DRGX: variants seen among roughly 807,000 people sequenced by gnomAD.
DRGX encodes dorsal root ganglia homeobox.
Under a neutral mutation model 28.6 loss-of-function variants are expected in DRGX, and 21 were observed. That is an observed-to-expected ratio of 0.73 (90% CI 0.52 to 1.06). The LOEUF (loss-of-function observed/expected upper bound fraction) is 1.06, where lower values mean the gene tolerates loss of function less well. Ranked by LOEUF, DRGX falls within the 50% of genes least tolerant of loss-of-function variation. The pLI, the probability that DRGX is intolerant of heterozygous loss-of-function variation, is 0.00. For synonymous variants in DRGX, 136 were observed against 139.1 expected, an observed-to-expected ratio of 0.98 and a Z score of 0.16; for missense variants, 354 against 343.9, an observed-to-expected ratio of 1.03 and a Z score of -0.23.
At chr10:49,384,815 C>T (rs186545609) in intron 6 of DRGX, among the ~76,000 whole-genome samples, 182 of 152,344 alleles carry the variant, frequency 1.2e-3, no homozygotes, top group Middle Eastern at 3.4e-3. Flanking sequence ...CCTCAAGCCC[C>T]CTTCAGCCAC....
At chr10:49,376,991 T>C (rs1224740614) in intron 6 of DRGX, among the ~76,000 whole-genome samples, 1 of 152,196 alleles carries the variant, frequency 6.6e-6, no homozygotes, top group Non-Finnish European at 1.5e-5. Flanking sequence ...CACGTAGGGA[T>C]GAGTCTAATT....
At chr10:49,374,219 C>G (rs1164607225) in intron 6 of DRGX, among the ~76,000 whole-genome samples, 1 of 152,124 alleles carries the variant, frequency 6.6e-6, no homozygotes, top group Non-Finnish European at 1.5e-5. Context: ...CACAGAGTCC[C>G]ACACAGGTTG....
At chr10:49,379,743 C>T (rs187373420) in intron 6 of DRGX, among the ~76,000 whole-genome samples, 19 of 152,352 alleles carry the variant, frequency 1.2e-4, no homozygotes, top group South Asian at 2.1e-4. Context: ...TTCAGACACT[C>T]GGTGCAGGAC....
intron 6 of DRGX, among the ~76,000 whole-genome samples, chr10:49,385,396 T>G (rs1849821255): frequency 6.6e-6 from 1 of 152,088 alleles, no homozygotes; most frequent in African/African-American, 2.4e-5. Flanking sequence ...CTGGGCACCC[T>G]CACCCTATCT....
chr10:49,367,589 A>G (rs994332896), intron 6 of DRGX, among the ~76,000 whole-genome samples: 13 of 152,288 alleles, frequency 8.5e-5, no homozygotes, highest in Non-Finnish European at 7.4e-5. Flanking sequence ...GAGGGAACCA[A>G]TTTGGAAAGT....
intron 6 of DRGX, among the ~76,000 whole-genome samples, chr10:49,383,681 G>A (rs776977793): frequency 6.6e-6 from 1 of 152,208 alleles, no homozygotes; most frequent in South Asian, 2.1e-4. Context: ...CGGCCATGAG[G>A]GCGGAGCTCT....
At chr10:49,368,573 A>G (rs1001695277) in intron 6 of DRGX, among the ~76,000 whole-genome samples, 3 of 152,214 alleles carry the variant, frequency 2.0e-5, no homozygotes, top group Non-Finnish European at 4.4e-5. Flanking sequence ...GCTGGGAACA[A>G]TGCCTGCTAT....
At chr10:49,392,973 T>A (rs1036949762) in intron 2 of DRGX, among the ~76,000 whole-genome samples, 4 of 152,232 alleles carry the variant, frequency 2.6e-5, no homozygotes, top group African/African-American at 7.2e-5. Context: ...TCACCATTTG[T>A]AGGAGTACAA....
intron 6 of DRGX, among the ~76,000 whole-genome samples, chr10:49,385,157 G>GT (rs1849817595): frequency 6.6e-6 from 1 of 152,196 alleles, no homozygotes; most frequent in Non-Finnish European, 1.5e-5. Context: ...GGGTTGGGGA[G>GT]TGGGGGGCTT....
chr10:49,394,876 G>T (rs903157702), intron 2 of DRGX, among the ~76,000 whole-genome samples: 2 of 152,232 alleles, frequency 1.3e-5, no homozygotes, highest in Non-Finnish European at 2.9e-5. Flanking sequence ...TTCCAGGGAC[G>T]GCCAGGAGGC....
At position 49,364,185 on chromosome 10, in the gene DRGX, G is replaced by A. The variant is rs983208318; in HGVS notation, c.*1931C>T. 1.3e-5 allele frequency: 2 copies of A among 152,154 alleles called. No individual in the cohort carries two copies. Among genetic ancestry groups the A allele is most frequent in the Admixed American group, 6.5e-5 (1 of 15,274 alleles). The allele number at this position is 152,154 out of a possible 1,614,324, so 9.4% of individuals were successfully genotyped here. On this transcript the variant is annotated 3_prime_UTR_variant, in exon 7 of 7. Coordinates refer to ENST00000374139, the MANE Select transcript of DRGX (RefSeq NM_001276451.2). ...TACTCAATATCTCTGCAGAGGTTTG[G>A]TGCTCATTTTCTTTCCTTTCAGTAA...
Position 49,379,810 on chromosome 10 carries a change from G to A in DRGX, c.526+6668C>T, listed in dbSNP as rs574443808. ...GAGTGCCATTGCATGCCTGCACCAC[G>A]CGGGGCACTTGACCTACAGCAGCTC... On this transcript the variant is annotated intron_variant, in intron 6 of 6. Transcript: ENST00000374139. Among the ~76,000 whole-genome samples the A allele has an allele frequency of 1.8e-4, 27 of 152,328 alleles. No homozygotes were observed. The South Asian group carries it at 5.4e-3, about 30-fold the overall frequency.
rs201807477 is a variant in DRGX at position 49,366,267 on chromosome 10, C to A, written c.641G>T (p.Arg214Leu). 1.9e-6 allele frequency: 3 copies of A among 1,613,912 alleles called. No homozygotes were observed. Among genetic ancestry groups the A allele is most frequent in the Non-Finnish European group, 2.5e-6 (3 of 1,179,876 alleles). The change falls in exon 7 of 7, where the codon CGC becomes CTC. Residue 214 changes from arginine to leucine, a missense_variant. Coordinates refer to ENST00000374139, the MANE Select transcript of DRGX (RefSeq NM_001276451.2). ...ASVATLRMKA[R>L]EHSEAVLQSA... ...CTGCAGGACAGCTTCTGAGTGCTCGCGGGCCTTCATGCGCAGGGTGGCCAC... is the reference window on the plus strand; with the variant it reads ...CTGCAGGACAGCTTCTGAGTGCTCGAGGGCCTTCATGCGCAGGGTGGCCAC...
rs115489744 is a variant in DRGX, at chr10:49,376,370, C to T, written c.527-9989G>A. ...CTTGAGTCCTCTGCTCCCCAAATAC[C>T]TGTATCCTCAGTAACAAGCCAGGAG... On this transcript the variant is annotated intron_variant, in intron 6 of 6. Transcript: ENST00000374139. Among the ~76,000 whole-genome samples the T allele has an allele frequency of 5.9e-3, 895 of 152,280 alleles. 10 individuals carry two copies. Among genetic ancestry groups the T allele is most frequent in the African/African-American group, 0.02 (844 of 41,546 alleles).
chr10:49,379,309 G>A (rs1849749066), intron 6 of DRGX, among the ~76,000 whole-genome samples: 1 of 152,172 alleles, frequency 6.6e-6, no homozygotes, highest in Non-Finnish European at 1.5e-5. Flanking sequence ...AGTGTGGAGT[G>A]CAAGCAAGGC....
Position 49,370,988 on chromosome 10 carries a change from A to G in DRGX, c.527-4607T>C, listed in dbSNP as rs1161705691. Among the ~76,000 whole-genome samples, 3 of 152,198 alleles carry G rather than the reference A, an allele frequency of 2.0e-5. No individual in the cohort carries two copies. In the East Asian group the frequency reaches 5.8e-4, roughly 29 times the overall value. ...CCTGCCTTATGTCTCCCATCCACAGACACCTCTGTCATCACCCTAAAGAGA... is the reference window on the plus strand; with the variant it reads ...CCTGCCTTATGTCTCCCATCCACAGGCACCTCTGTCATCACCCTAAAGAGA... On this transcript the variant is annotated intron_variant, in intron 6 of 6. Transcript: ENST00000374139.
intron 6 of DRGX, among the ~76,000 whole-genome samples, chr10:49,385,720 AGCCTGCACCTAT>A (rs1849825228): frequency 6.6e-6 from 1 of 152,050 alleles, no homozygotes; most frequent in South Asian, 2.1e-4. Flanking sequence ...AAAAGCCTAC[AGCCTGCACCTAT>A]GCCTCCACCT....
chr10:49,391,052 C>T (rs779169651), intron 3 of DRGX, 112 bp downstream of exon 3: 3 of 1,178,368 alleles, frequency 2.5e-6, no homozygotes, highest in South Asian at 2.9e-5. Flanking sequence ...CAGAAAGATT[C>T]AGTTAGCATA....
intron 6 of DRGX, among the ~76,000 whole-genome samples, chr10:49,374,247 T>G (rs1849694047): frequency 6.6e-6 from 1 of 152,230 alleles, no homozygotes; most frequent in Non-Finnish European, 1.5e-5. Context: ...ATAAAGACCG[T>G]GTCTTCATCA....
Sources: gnomAD v4.1 joint callset for allele counts (sites outside exome capture counted in the v4.1 genomes callset) on GRCh38, gnomAD v4.1.1 for gene constraint, MANE v1.5 for transcripts, NCBI Gene and HGNC (gene_info 2026-07-23, HGNC 2026-07-21) for gene names.